The following ATP2B3 variants were observed in gnomAD, a reference collection of about 807,000 sequenced individuals.
ATP2B3 encodes the protein plasma membrane calcium-transporting ATPase 3.
Under a neutral mutation model 70.8 loss-of-function variants are expected in ATP2B3, and 12 were observed. The ratio of observed to expected loss-of-function variants is 0.17; its 90% CI spans 0.11 to 0.27. The LOEUF is 0.27. ATP2B3 is among the 10% of genes least tolerant of loss of function. ATP2B3 has a pLI of 1.00. For missense variants in ATP2B3, 858 were observed against 1,118.5 expected, an observed-to-expected ratio of 0.77 and a Z score of 3.32; for synonymous variants, 460 against 497.8, an observed-to-expected ratio of 0.92 and a Z score of 1.01.
Position 153,564,895 on chromosome X carries a change from C to T in ATP2B3, c.3160-26C>T, listed in dbSNP as rs552099941. On this transcript the variant is annotated intron_variant, in intron 20 of 21. Coordinates refer to ENST00000263519, the MANE Select transcript of ATP2B3 (RefSeq NM_001001344.3). Reference sequence around the variant, plus strand: ...CAGATGCTGCTCAGCCTGGCTCTCACGGCCACTTCCGTGTGGCTCCCCCAG... The same window carrying T: ...CAGATGCTGCTCAGCCTGGCTCTCATGGCCACTTCCGTGTGGCTCCCCCAG... 4.0e-4 allele frequency: 460 copies of T among 1,151,214 alleles called. 3 individuals carry two copies. In the South Asian group the frequency reaches 8.4e-3, roughly 21 times the overall value. 94.9% of individuals were successfully genotyped at this position (1,151,214 alleles called of 1,213,427 possible).
chrX:153,553,808 G>A (rs900380783), intron 13 of ATP2B3, among the ~76,000 whole-genome samples: 3 of 113,384 alleles, frequency 2.6e-5, no homozygotes, highest in South Asian at 7.1e-4. Context: ...TTGACACTGG[G>A]AAGTCACTTT....
chrX:153,549,016 T>C (rs1190473137), intron 10 of ATP2B3, among the ~76,000 whole-genome samples, 162 bp downstream of exon 10: 1 of 109,392 alleles, frequency 9.1e-6, no homozygotes, highest in Non-Finnish European at 1.9e-5. Flanking sequence ...TGCTGATCTG[T>C]CAGCTCAGGT....
chrX:153,549,128 C>T (rs1333886501), intron 10 of ATP2B3, among the ~76,000 whole-genome samples: 7 of 102,074 alleles, frequency 6.9e-5, no homozygotes, highest in African/African-American at 2.5e-4. Flanking sequence ...TGGGAGGCAG[C>T]GGGGAAGCGG....
intron 20 of ATP2B3, among the ~76,000 whole-genome samples, chrX:153,563,299 A>G (rs782216059): frequency 5.9e-4 from 64 of 109,159 alleles, no homozygotes; most frequent in African/African-American, 2.0e-3. Context: ...ATGCCACCAC[A>G]CCAGGCTAAG....
chrX:153,570,692 G>A (rs1557019594), intron 21 of ATP2B3, among the ~76,000 whole-genome samples: 1 of 110,946 alleles, frequency 9.0e-6, no homozygotes, highest in Non-Finnish European at 1.9e-5. Context: ...GTGGGCCCAG[G>A]GCCTTTGCCA....
intron 21 of ATP2B3, chrX:153,569,840 A>C (rs1603121534): frequency 9.5e-7 from 1 of 1,054,193 alleles, no homozygotes; most frequent in East Asian, 3.0e-5. Flanking sequence ...TCTCTTTTGC[A>C]GTCTTGCATT....
At chrX:153,528,951 A>G (rs782581046) in intron 2 of ATP2B3, among the ~76,000 whole-genome samples, 2 of 112,794 alleles carry the variant, frequency 1.8e-5, no homozygotes, top group African/African-American at 6.4e-5. Flanking sequence ...GGGGAATGTA[A>G]TCATTAGCTG....
chrX:153,575,501 G>A (rs1198205694), intron 21 of ATP2B3, among the ~76,000 whole-genome samples: 2 of 112,339 alleles, frequency 1.8e-5, no homozygotes, highest in Admixed American at 1.9e-4. Flanking sequence ...GACTGGGGCC[G>A]GCTCCGAGGG....
At chrX:153,546,047 G>A in intron 7 of ATP2B3, 41 bp from the exon 8 acceptor site, 2 of 1,207,728 alleles carry the variant, frequency 1.7e-6, no homozygotes, top group African/African-American at 3.5e-5. Flanking sequence ...CCAGGCTGGT[G>A]TCCTCAAGCC....
At chrX:153,519,432 A>G (rs2089923681) in intron 2 of ATP2B3, among the ~76,000 whole-genome samples, 1 of 111,729 alleles carries the variant, frequency 9.0e-6, no homozygotes, top group East Asian at 2.8e-4. Context: ...CACCTCAACC[A>G]CACGAGTGAA....
At chrX:153,557,359 A>G (rs954043952) in intron 16 of ATP2B3, among the ~76,000 whole-genome samples, 3 of 111,955 alleles carry the variant, frequency 2.7e-5, no homozygotes, top group Non-Finnish European at 5.7e-5. Flanking sequence ...TGAGGTGAGC[A>G]GAGTCCCCAG....
At chrX:153,538,179 C>T (rs897609195) in intron 3 of ATP2B3, among the ~76,000 whole-genome samples, 1 of 112,926 alleles carries the variant, frequency 8.9e-6, no homozygotes, top group Non-Finnish European at 1.9e-5. Context: ...GCCGTGCACC[C>T]GGACCCTGGT....
chrX:153,541,489 C>T lies in ATP2B3; in HGVS notation c.339C>T (p.Ile113=). ...WEALQDVTLI[I]LEVAAIVSLG... ...CCCTGCAGGACGTGACCCTCATCATCCTGGAGGTGGCTGCCATCGTCTCTC... is the reference window on the plus strand; with the variant it reads ...CCCTGCAGGACGTGACCCTCATCATTCTGGAGGTGGCTGCCATCGTCTCTC... Residue 113 remains isoleucine, a synonymous_variant, in exon 4 of 22, where the codon ATC becomes ATT. Coordinates refer to ENST00000263519, the MANE Select transcript of ATP2B3 (RefSeq NM_001001344.3). 1 of 1,211,795 alleles carries T rather than the reference C, an allele frequency of 8.3e-7. No homozygotes were observed. Among genetic ancestry groups the T allele is most frequent in the Non-Finnish European group, 1.1e-6 (1 of 895,560 alleles).
intron 2 of ATP2B3, among the ~76,000 whole-genome samples, chrX:153,522,151 A>G (rs782516908): frequency 6.6e-4 from 75 of 112,800 alleles, no homozygotes; most frequent in Non-Finnish European, 1.0e-3. Flanking sequence ...CTCAGAATGG[A>G]TGAGTGCATT....
At chrX:153,570,075 T>C (rs2090765883) in intron 21 of ATP2B3, 1 of 366,174 alleles carries the variant, frequency 2.7e-6, no homozygotes, top group Non-Finnish European at 4.7e-6. Context: ...TGGTTCTTCA[T>C]GAACTTGGGC....
At chrX:153,553,606 T>G (rs2090491329) in intron 13 of ATP2B3, among the ~76,000 whole-genome samples, 1 of 111,815 alleles carries the variant, frequency 8.9e-6, no homozygotes, top group Non-Finnish European at 1.9e-5. Context: ...GACACAGGTT[T>G]GGGGCACAGG....
At chrX:153,559,480 T>G in intron 17 of ATP2B3, 2 of 380,961 alleles carry the variant, frequency 5.2e-6, no homozygotes, top group Non-Finnish European at 9.1e-6. Flanking sequence ...TGGTCTGGGG[T>G]TTTTCACCTC....
chrX:153,559,914 C>T lies in ATP2B3; in HGVS notation c.2811C>T (p.Leu937=). Residue 937 remains leucine, a synonymous_variant, in exon 18 of 22, where the codon CTC becomes CTT. Coordinates refer to ENST00000263519, the MANE Select transcript of ATP2B3 (RefSeq NM_001001344.3). The part of the protein sequence containing the change: ...KNILGHAVYQ[L]AIIFTLLFVG... Reference sequence around the variant, plus strand: ...TTCTGGGCCACGCCGTGTACCAGCTCGCCATCATCTTCACCCTGCTGTTTG... The same window carrying T: ...TTCTGGGCCACGCCGTGTACCAGCTTGCCATCATCTTCACCCTGCTGTTTG... 8.3e-7 allele frequency: 1 copy of T among 1,211,526 alleles called. No individual in the cohort carries two copies.
In ATP2B3 at chrX:153,543,173, C is replaced by T; in HGVS notation, c.916+5C>T. 3 of 1,204,598 alleles carry T rather than the reference C, an allele frequency of 2.5e-6. No individual in the cohort carries two copies. Among genetic ancestry groups the T allele is most frequent in the African/African-American group, 1.7e-5 (1 of 57,762 alleles). On this transcript the variant is annotated splice_donor_5th_base_variant and intron_variant, in intron 7 of 21. Transcript: ENST00000263519. ...AAGAGAAGAAAGATAAGAAAGGTAG[C>T]GCAGCAGTGCCGCCAGTCCCTGGTG...
Sources: gnomAD v4.1 joint callset for allele counts (sites outside exome capture counted in the v4.1 genomes callset) on GRCh38, gnomAD v4.1.1 for gene constraint, MANE v1.5 for transcripts, NCBI Gene and HGNC (gene_info 2026-07-23, HGNC 2026-07-21) for gene names.